Variants in LARGE1 observed in about 807,000 individuals in gnomAD.
LARGE1 encodes xylosyl- and glucuronyltransferase LARGE1.
A neutral mutation model predicts 87.6 loss-of-function variants in LARGE1; 43 were observed. The ratio of observed to expected loss-of-function variants is 0.49; its 90% CI spans 0.38 to 0.63. The LOEUF is 0.63. Ranked by LOEUF, LARGE1 falls within the 30% of genes least tolerant of loss-of-function variation. The pLI, the probability that LARGE1 is intolerant of heterozygous loss-of-function variation, is 0.00. For missense variants in LARGE1, 802 were observed against 1,000.2 expected (o/e 0.80, Z 2.67); for synonymous variants, 434 against 394.6 (o/e 1.10, Z -1.18).
intron 5 of LARGE1, among the ~76,000 whole-genome samples, chr22:33,583,555 A>G (rs544062315): frequency 6.6e-6 from 1 of 152,234 alleles, no homozygotes; most frequent in Non-Finnish European, 1.5e-5. Flanking sequence ...TACCCGATAA[A>G]TAAGAAAATT....
chr22:33,787,411 A>G (rs916733244), intron 1 of LARGE1, among the ~76,000 whole-genome samples: 5 of 152,208 alleles, frequency 3.3e-5, no homozygotes, highest in Non-Finnish European at 7.3e-5. Context: ...TATTGTTCTG[A>G]AACAGCTTTT....
chr22:33,234,781 T>G (rs1438559490), intron 11 of LARGE1, among the ~76,000 whole-genome samples: 1 of 152,174 alleles, frequency 6.6e-6, no homozygotes, highest in Non-Finnish European at 1.5e-5. Context: ...CCTCATGTGA[T>G]CTGCCTGCCT....
intron 5 of LARGE1, among the ~76,000 whole-genome samples, chr22:33,585,436 T>C (rs528480150): frequency 1.0e-3 from 158 of 152,124 alleles, no homozygotes; most frequent in Non-Finnish European, 2.1e-3. Context: ...TGAGACACCA[T>C]CTTGGCCAAT....
intron 6 of LARGE1, among the ~76,000 whole-genome samples, chr22:33,471,950 T>C (rs1463795474): frequency 6.6e-6 from 1 of 152,132 alleles, no homozygotes; most frequent in East Asian, 1.9e-4. Context: ...CTCGGGAGGC[T>C]GAGGCAGGAG....
At chr22:33,311,240 G>A (rs1161953554) in intron 11 of LARGE1, among the ~76,000 whole-genome samples, 7 of 152,120 alleles carry the variant, frequency 4.6e-5, no homozygotes, top group Admixed American at 2.6e-4. Flanking sequence ...GATTACAGGC[G>A]TGAGCCACCG....
chr22:33,131,361 C>A, the LARGE1 span, among the ~76,000 whole-genome samples: 1 of 152,064 alleles, frequency 6.6e-6, no homozygotes, highest in African/African-American at 2.4e-5. Flanking sequence ...TTTTTAATGG[C>A]CCTTTTCTGC....
chr22:33,408,453 TGTG>T (rs1256104400), intron 7 of LARGE1, among the ~76,000 whole-genome samples: 10 of 152,206 alleles, frequency 6.6e-5, no homozygotes, highest in Non-Finnish European at 1.2e-4. Flanking sequence ...TGTGCAAGGC[TGTG>T]TTTTTTGTAG....
chr22:33,332,096 C>A (rs1009744072), intron 10 of LARGE1, among the ~76,000 whole-genome samples: 1 of 152,064 alleles, frequency 6.6e-6, no homozygotes, highest in Non-Finnish European at 1.5e-5. Context: ...CTGTGTCTGG[C>A]GACTACCTGA....
the LARGE1 span, among the ~76,000 whole-genome samples, chr22:33,102,862 C>A: frequency 1.3e-5 from 2 of 152,176 alleles, no homozygotes; most frequent in Non-Finnish European, 2.9e-5. Flanking sequence ...GAGAGGAAAT[C>A]TGGCTCTGTT....
At chr22:33,632,105 G>C (rs934703969) in intron 3 of LARGE1, among the ~76,000 whole-genome samples, 3 of 152,256 alleles carry the variant, frequency 2.0e-5, no homozygotes, top group African/African-American at 7.2e-5. Flanking sequence ...TAACAGTCCT[G>C]TGTCTGGAGA....
chr22:33,559,272 C>A (rs923292436), intron 6 of LARGE1, among the ~76,000 whole-genome samples: 27 of 152,180 alleles, frequency 1.8e-4, no homozygotes, highest in African/African-American at 5.3e-4. Flanking sequence ...ACCTCTGCCT[C>A]CCGGTTTCAA....
intron 6 of LARGE1, among the ~76,000 whole-genome samples, chr22:33,453,288 G>A (rs756330706): frequency 3.9e-5 from 6 of 152,014 alleles, no homozygotes; most frequent in Non-Finnish European, 7.4e-5. Flanking sequence ...GGTGGTGCAC[G>A]CCTGTAATCC....
At position 33,323,168 on chromosome 22, in the gene LARGE1, A is replaced by G. The variant is rs555907744; in HGVS notation, c.1288-6920T>C. Among the ~76,000 whole-genome samples the G allele has an allele frequency of 1.6e-3, 241 of 152,278 alleles. 2 individuals are homozygous for G. Among genetic ancestry groups the G allele is most frequent in the Non-Finnish European group, 2.6e-3 (179 of 68,026 alleles). The stretch of plus-strand genomic sequence containing the variant: ...AAAACAAAAACAACAACAAAAAACA[A>G]AAACAAAACAGGAAAGAAAGAAAGG... On this transcript the variant is annotated intron_variant, in intron 10 of 14. Transcript: ENST00000397394.
At chr22:33,659,549 T>A (rs1752055883) in intron 2 of LARGE1, among the ~76,000 whole-genome samples, 1 of 152,018 alleles carries the variant, frequency 6.6e-6, no homozygotes, top group African/African-American at 2.4e-5. Flanking sequence ...AAGCATGGAA[T>A]CAGATTTGCT....
the LARGE1 span, among the ~76,000 whole-genome samples, chr22:33,091,514 C>T: frequency 2.0e-5 from 3 of 151,912 alleles, no homozygotes; most frequent in South Asian, 4.2e-4. Flanking sequence ...GAGCTGAGAT[C>T]GCGCCACTGC....
chr22:33,203,567 G>A (rs540998734), intron 11 of LARGE1, among the ~76,000 whole-genome samples: 1 of 152,236 alleles, frequency 6.6e-6, no homozygotes, highest in Admixed American at 6.5e-5. Context: ...TTCAGCCGGG[G>A]CATGGAGAGG....
At chr22:33,213,549 C>G (rs907026847) in intron 11 of LARGE1, among the ~76,000 whole-genome samples, 1 of 152,208 alleles carries the variant, frequency 6.6e-6, no homozygotes, top group African/African-American at 2.4e-5. Flanking sequence ...GCCACCCCAG[C>G]TTCCAGCAAC....
At chr22:33,593,278 A>G (rs1370964467) in intron 5 of LARGE1, among the ~76,000 whole-genome samples, 1 of 139,428 alleles carries the variant, frequency 7.2e-6, no homozygotes, top group Non-Finnish European at 1.6e-5. Context: ...CCTGGGCTCA[A>G]GTGATCCACC....
chr22:33,114,377 C>T, the LARGE1 span, among the ~76,000 whole-genome samples: 2 of 152,212 alleles, frequency 1.3e-5, no homozygotes, highest in African/African-American at 2.4e-5. Flanking sequence ...AAAGAACGGA[C>T]TTCCCAGGGC....
Sources: allele counts gnomAD v4.1 joint callset (sites outside exome capture counted in the v4.1 genomes callset), GRCh38; gene constraint gnomAD v4.1.1; transcripts MANE v1.5; gene names NCBI Gene and HGNC (gene_info 2026-07-23, HGNC 2026-07-21).